The following STIMATE variants were observed in gnomAD, a reference collection of about 807,000 sequenced individuals.
STIMATE encodes store-operated calcium entry regulator STIMATE.
A neutral mutation model predicts 36.7 loss-of-function variants in STIMATE; 15 were observed. The ratio of observed to expected loss-of-function variants is 0.41; its 90% confidence interval spans 0.27 to 0.63. The LOEUF is 0.63. STIMATE is among the 20% of genes least tolerant of loss of function. The pLI is 0.32. For missense variants in STIMATE, 305 were observed against 397.3 expected, an observed-to-expected ratio of 0.77 and a Z score of 1.98; for synonymous variants, 163 against 162.3, an observed-to-expected ratio of 1.00 and a Z score of -0.03.
At chr3:52,885,704 C>T (rs1264341698) in intron 1 of STIMATE, among the ~76,000 whole-genome samples, 1 of 152,220 alleles carries the variant, frequency 6.6e-6, no homozygotes, top group African/African-American at 2.4e-5. Flanking sequence ...GTACTGTCCC[C>T]TGCAAATTCC....
At chr3:52,885,723 T>C (rs564808556) in intron 1 of STIMATE, among the ~76,000 whole-genome samples, 84 of 152,332 alleles carry the variant, frequency 5.5e-4, no homozygotes, top group African/African-American at 1.8e-3. Flanking sequence ...CCAACTGCAT[T>C]GGCCTCCTCA....
At chr3:52,859,502 CAAAA>C (rs34298807) in intron 1 of STIMATE, among the ~76,000 whole-genome samples, 4 of 15,636 alleles carry the variant, frequency 2.6e-4, no homozygotes, top group Non-Finnish European at 4.6e-4. Context: ...CCCATTTCTC[CAAAA>C]AAAAAAAAAA....
At chr3:52,870,307 G>A (rs951239322) in intron 1 of STIMATE, among the ~76,000 whole-genome samples, 1 of 152,018 alleles carries the variant, frequency 6.6e-6, no homozygotes, top group Non-Finnish European at 1.5e-5. Context: ...TGGAAACCAG[G>A]GAAAGAGAAA....
Position 52,884,163 on chromosome 3 carries a change from TAC to T in STIMATE, c.160+13126_160+13127del, listed in dbSNP as rs1189623659. ...AACAAAAATGCACTTATATTATGCA[TAC>T]AGTTCAGTGAGTTTTGGGAAATGTG... is the stretch of plus-strand genomic sequence containing the variant. On this transcript the variant is annotated intron_variant, in intron 1 of 7. Transcript: ENST00000355083. Among the ~76,000 whole-genome samples the T allele has an allele frequency of 2.6e-5, 4 of 152,104 alleles. No individual in the cohort carries two copies. The East Asian group carries it at 7.7e-4, about 29-fold the overall frequency.
chr3:52,845,047 C>T (rs1700870547), intron 4 of STIMATE, 106 bp from the exon 5 acceptor site: 4 of 1,149,294 alleles, frequency 3.5e-6, no homozygotes, highest in African/African-American at 1.6e-5. Flanking sequence ...GGCTCTAAAG[C>T]TCTAAAGGTA....
At position 52,837,674 on chromosome 3, in the gene STIMATE, T is replaced by G. The variant is rs909889072; in HGVS notation, c.*2820A>C. ...AAGAAATTTGTTCATGACCTTGACT[T>G]GCAAGGTTCCACCACAGGTGGCTTG... On this transcript the variant is annotated 3_prime_UTR_variant, in exon 8 of 8. Transcript: ENST00000355083. The G allele has an allele frequency of 6.6e-6, 1 of 152,272 alleles. No individual in the cohort carries two copies. The highest frequency in any genetic ancestry group is 1.5e-5 in the Non-Finnish European group (1 of 68,052). 9.4% of individuals were successfully genotyped at this position (152,272 alleles called of 1,614,324 possible).
chr3:52,844,947 G>A lies in STIMATE; in HGVS notation c.428-6C>T, dbSNP rs1204188009. The A allele has an allele frequency of 1.2e-6, 2 of 1,613,102 alleles. No individual in the cohort carries two copies. The highest frequency in any genetic ancestry group is 3.3e-5 in the Admixed American group (2 of 59,994). On this transcript the variant is annotated splice_region_variant and splice_polypyrimidine_tract_variant and intron_variant, in intron 4 of 7. Coordinates refer to ENST00000355083, the MANE Select transcript of STIMATE (RefSeq NM_198563.5). ...TCCACACTGCAGAGGGTCTCCTGCA[G>A]GGACAGGCGGGTGCTTAGTCACATG...
At chr3:52,878,869 G>A (rs1375390932) in intron 1 of STIMATE, among the ~76,000 whole-genome samples, 2 of 152,172 alleles carry the variant, frequency 1.3e-5, no homozygotes, top group Non-Finnish European at 2.9e-5. Flanking sequence ...TCAGGAGTGG[G>A]TGGGACTGCC....
chr3:52,876,852 C>T (rs762658281), intron 1 of STIMATE, among the ~76,000 whole-genome samples: 4 of 152,148 alleles, frequency 2.6e-5, no homozygotes, highest in African/African-American at 9.7e-5. Context: ...AAGTTATATG[C>T]GGGTTTTCAA....
At chr3:52,867,432 C>T (rs115160266) in intron 1 of STIMATE, among the ~76,000 whole-genome samples, 4,485 of 152,330 alleles carry the variant, frequency 0.029, 219 homozygotes, top group African/African-American at 0.1. Flanking sequence ...TCCCAACTCT[C>T]AGGAATGGGG....
chr3:52,852,533 G>A (rs1701022593), intron 3 of STIMATE, 70 bp downstream of exon 3: 1 of 1,593,488 alleles, frequency 6.3e-7, no homozygotes, highest in Admixed American at 1.7e-5. Flanking sequence ...ACCAGCAGCA[G>A]AAAGCAAGGC....
At chr3:52,851,662 C>CTTTAA (rs3075874) in intron 3 of STIMATE, among the ~76,000 whole-genome samples, 135,252 of 152,034 alleles carry the variant, frequency 0.89, 62,069 homozygotes, top group Non-Finnish European at 1. Flanking sequence ...CTCTCAGATA[C>CTTTAA]TTTGTGTCCA....
At chr3:52,847,587 C>T (rs753152407) in intron 4 of STIMATE, 2 of 1,277,526 alleles carry the variant, frequency 1.6e-6, no homozygotes, top group African/African-American at 3.1e-5. Context: ...AAAATAAGCC[C>T]CTCTTCTTCA....
At chr3:52,881,198 CTT>C (rs1260393579) in intron 1 of STIMATE, among the ~76,000 whole-genome samples, 4 of 143,614 alleles carry the variant, frequency 2.8e-5, no homozygotes, top group Non-Finnish European at 4.5e-5. Flanking sequence ...GAGAGAAACT[CTT>C]GTCTCAAAAA....
At chr3:52,891,431 C>T (rs1369132862) in intron 1 of STIMATE, among the ~76,000 whole-genome samples, 1 of 152,218 alleles carries the variant, frequency 6.6e-6, no homozygotes, top group Admixed American at 6.5e-5. Flanking sequence ...GCGCCACCAC[C>T]TACTACCATG....
chr3:52,853,486 T>C (rs1184487959), intron 2 of STIMATE, among the ~76,000 whole-genome samples: 1 of 152,244 alleles, frequency 6.6e-6, no homozygotes, highest in East Asian at 1.9e-4. Context: ...CACCTCTTGG[T>C]CATGGCTGTC....
chr3:52,874,190 T>C lies in STIMATE; in HGVS notation c.161-18746A>G, dbSNP rs1441891882. Reference sequence around the variant, plus strand: ...CCATCGATAGGGAAGGGGTTGATCATATGTGATTATGCAATGGATGTCAAC... The same window carrying C: ...CCATCGATAGGGAAGGGGTTGATCACATGTGATTATGCAATGGATGTCAAC... On this transcript the variant is annotated intron_variant, in intron 1 of 7. Transcript: ENST00000355083. Among the ~76,000 whole-genome samples, 4 of 152,330 alleles carry C rather than the reference T, an allele frequency of 2.6e-5. No individual in the cohort carries two copies. The East Asian group carries it at 5.8e-4, about 22-fold the overall frequency.
rs1376271465 is a variant in STIMATE at position 52,838,191 on chromosome 3, C to A, written c.*2303G>T. 1 of 152,234 alleles carries A rather than the reference C, an allele frequency of 6.6e-6. No individual in the cohort carries two copies. 9.4% of individuals were successfully genotyped at this position (152,234 alleles called of 1,614,324 possible). A position where few individuals can be genotyped will look rare whatever the true frequency, so the allele number is the denominator to read the frequency against. On this transcript the variant is annotated 3_prime_UTR_variant, in exon 8 of 8. Coordinates refer to ENST00000355083, the MANE Select transcript of STIMATE (RefSeq NM_198563.5). ...ACCACTCTTCAGCTACCTCTTTGTT[C>A]CCCAAACCCTCTGCTCACTGGGAAG...
chr3:52,852,738 G>A (rs1181590322), intron 2 of STIMATE, 40 bp from the exon 3 acceptor site: 1 of 1,606,478 alleles, frequency 6.2e-7, no homozygotes, highest in Non-Finnish European at 8.5e-7. Context: ...AGCCTGACAG[G>A]AGCGCAATAT....
Sources: allele counts gnomAD v4.1 joint callset (sites outside exome capture counted in the v4.1 genomes callset), GRCh38; gene constraint gnomAD v4.1.1; transcripts MANE v1.5; gene names NCBI Gene and HGNC (gene_info 2026-07-23, HGNC 2026-07-21).